NOVA2: variants seen among roughly 807,000 people sequenced by gnomAD.
The protein encoded by NOVA2 is NOVA alternative splicing regulator 2.
Under a neutral mutation model 22.5 loss-of-function variants are expected in NOVA2, and 9 were observed. The ratio of observed to expected loss-of-function variants is 0.40; its 90% CI spans 0.24 to 0.70. NOVA2 has a LOEUF of 0.70. Ranked by LOEUF, NOVA2 falls within the 30% of genes least tolerant of loss-of-function variation. The pLI is 0.38. For synonymous variants in NOVA2, 318 were observed against 335.2 expected (o/e 0.95, Z 0.56); for missense variants, 383 against 682.8 (o/e 0.56, Z 4.89).
chr19:45,940,449 A>G lies in NOVA2; in HGVS notation c.893T>C (p.Leu298Pro). 1 of 1,524,670 alleles carries G rather than the reference A, an allele frequency of 6.6e-7. No homozygotes were observed. The highest frequency in any genetic ancestry group is 1.2e-5 in the South Asian group (1 of 83,448). 94.4% of individuals were successfully genotyped at this position (1,524,670 alleles called of 1,614,324 possible). A position where few individuals can be genotyped will look rare whatever the true frequency, so the allele number is the denominator to read the frequency against. The change falls in exon 4 of 4, where the codon CTG (leucine) becomes CCG (proline). Residue 298 changes from leucine to proline, a missense_variant. Leu to Pro is a moderately conservative substitution (Grantham distance 98). This residue lies in a region of NOVA2 where 349 missense variants were observed against 578.1 expected (regional missense o/e 0.60). Transcript: ENST00000263257. ...SYGYNTNSLG[L>P]GLNSAAASGV... ...GGAAGCTGCGGCCGAGTTGAGGCCCAGGCCCAGGGAGTTGGTGTTGTAGCC... is the reference window on the plus strand; with the variant it reads ...GGAAGCTGCGGCCGAGTTGAGGCCCGGGCCCAGGGAGTTGGTGTTGTAGCC...
intron 2 of NOVA2, among the ~76,000 whole-genome samples, chr19:45,955,951 G>GGT (rs1302038077): frequency 6.6e-6 from 1 of 152,158 alleles, no homozygotes; most frequent in Non-Finnish European, 1.5e-5. Flanking sequence ...GGATACCTGG[G>GGT]GTGTGTGTCA....
chr19:45,940,493 A>G lies in NOVA2; in HGVS notation c.849T>C (p.Leu283=). ...TGTAGCCGTAACTTGCCAGCGTGTT[A>G]AGCGCCGTGCTGATGGCCAGCAGGT... is the stretch of plus-strand genomic sequence containing the variant. ...GTDLLAISTA[L]NTLASYGYNT... The change falls in exon 4 of 4, where the codon CTT becomes CTC. Residue 283 remains leucine, a synonymous_variant. Transcript: ENST00000263257. 1.3e-6 allele frequency: 2 copies of G among 1,528,648 alleles called. No individual in the cohort carries two copies. The highest frequency in any genetic ancestry group is 1.8e-6 in the Non-Finnish European group (2 of 1,138,290). The allele number at this position is 1,528,648 out of a possible 1,614,324, so 94.7% of individuals were successfully genotyped here.
At position 45,971,865 on chromosome 19, in the gene NOVA2, C is replaced by T. The variant is rs1232920920; in HGVS notation, c.85+1402G>A. On this transcript the variant is annotated intron_variant, in intron 1 of 3. Transcript: ENST00000263257. Reference sequence around the variant, plus strand: ...CCCCACCTCTTCCCTGAGCCCCCCACGGCAGGGCATGCACCTAGAGTTCCC... The same window carrying T: ...CCCCACCTCTTCCCTGAGCCCCCCATGGCAGGGCATGCACCTAGAGTTCCC... Among the ~76,000 whole-genome samples, 3 of 152,002 alleles carry T rather than the reference C, an allele frequency of 2.0e-5. No individual in the cohort carries two copies. In the East Asian group the frequency reaches 5.8e-4, roughly 29 times the overall value.
At position 45,973,353 on chromosome 19, in the gene NOVA2, G is replaced by A; in HGVS notation, c.-2C>T. The A allele has an allele frequency of 9.4e-7, 1 of 1,067,642 alleles. No individual in the cohort carries two copies. Among genetic ancestry groups the A allele is most frequent in the Non-Finnish European group, 1.2e-6 (1 of 835,732 alleles). The allele number at this position is 1,067,642 out of a possible 1,614,324, so 66.1% of individuals were successfully genotyped here. A position where few individuals can be genotyped will look rare whatever the true frequency, so the allele number is the denominator to read the frequency against. On this transcript the variant is annotated 5_prime_UTR_variant, in exon 1 of 4. Coordinates refer to ENST00000263257, the MANE Select transcript of NOVA2 (RefSeq NM_002516.4). ...GGAATCCGGGGCCTCGGGCTCCATGGGGGGGGCCTGGGGCGGCGGCTGCTG... is the reference window on the plus strand; with the variant it reads ...GGAATCCGGGGCCTCGGGCTCCATGAGGGGGGCCTGGGGCGGCGGCTGCTG...
rs1285117648 is a variant in NOVA2 at position 45,952,022 on chromosome 19, TTTAG to T, written c.396+1754_396+1757del. On this transcript the variant is annotated intron_variant, in intron 3 of 3. Coordinates refer to ENST00000263257, the MANE Select transcript of NOVA2 (RefSeq NM_002516.4). Reference sequence around the variant, plus strand: ...AGGCTTTTGTTACCTTTTTCAATACTTTAGTTATTTAATTTATAATCCCTGGTTT... The same window carrying T: ...AGGCTTTTGTTACCTTTTTCAATACTTTATTTAATTTATAATCCCTGGTTT... 4.6e-5 allele frequency among the ~76,000 whole-genome samples: 7 copies of T among 152,296 alleles called. No homozygotes were observed. In the East Asian group the frequency reaches 1.3e-3, roughly 29 times the overall value.
chr19:45,964,561 A>ATCTCTCTCTCTCTCTCTC (rs141748431), intron 1 of NOVA2, among the ~76,000 whole-genome samples: 5,397 of 136,988 alleles, frequency 0.039, 183 homozygotes, highest in East Asian at 0.15. Context: ...ACACTCTCTG[A>ATCTCTCTCTCTCTCTCTC]TCTCTCTCTC....
intron 1 of NOVA2, among the ~76,000 whole-genome samples, chr19:45,965,506 A>T (rs1305493533): frequency 6.6e-6 from 1 of 152,194 alleles, no homozygotes; most frequent in Non-Finnish European, 1.5e-5. Context: ...AGGCGGGTGG[A>T]TCACTTAAGG....
At chr19:45,964,348 T>TTGTGTG (rs57818599) in intron 1 of NOVA2, among the ~76,000 whole-genome samples, 266 of 119,558 alleles carry the variant, frequency 2.2e-3, no homozygotes, top group African/African-American at 5.8e-3. Flanking sequence ...CCCGGCTAAT[T>TTGTGTG]TGTGTGTGTG....
At chr19:45,964,585 T>TC (rs1398689110) in intron 1 of NOVA2, among the ~76,000 whole-genome samples, 1 of 17,468 alleles carries the variant, frequency 5.7e-5, no homozygotes, top group Non-Finnish European at 1.2e-4. Flanking sequence ...CTCTCTCTCT[T>TC]TCTCTTTCTC....
intron 3 of NOVA2, among the ~76,000 whole-genome samples, chr19:45,941,501 C>T (rs749785308): frequency 7.2e-5 from 11 of 151,872 alleles, no homozygotes; most frequent in Non-Finnish European, 1.5e-4. Context: ...GAGACTGAGA[C>T]GCCCCAGGTC....
Position 45,940,888 on chromosome 19 carries a change from T to C in NOVA2, c.454A>G (p.Thr152Ala). The stretch of plus-strand genomic sequence containing the variant: ...GACTGTTCCATCACGGCTTTCACCG[T>C]GGCGCCTCCCTTGCCGATGATCAGG... The part of the protein sequence containing the change: ...AGLIIGKGGA[T>A]VKAVMEQSGA... The change falls in exon 4 of 4, where the codon ACG becomes GCG. Residue 152 changes from threonine to alanine, a missense_variant. By Grantham distance (58) the Thr-to-Ala change is moderately conservative (BLOSUM62 0). This residue lies in a region of NOVA2 where 349 missense variants were observed against 578.1 expected (regional missense o/e 0.60). Coordinates refer to ENST00000263257, the MANE Select transcript of NOVA2 (RefSeq NM_002516.4). The C allele has an allele frequency of 6.2e-7, 1 of 1,605,798 alleles. No individual in the cohort carries two copies. Among genetic ancestry groups the C allele is most frequent in the Non-Finnish European group, 8.5e-7 (1 of 1,179,948 alleles).
chr19:45,949,933 G>T (rs918286827), intron 3 of NOVA2, among the ~76,000 whole-genome samples: 31 of 151,970 alleles, frequency 2.0e-4, no homozygotes, highest in Non-Finnish European at 4.3e-4. Context: ...TAGAGATGGG[G>T]TTTCACCATG....
At position 45,938,491 on chromosome 19, in the gene NOVA2, G is replaced by A. The variant is rs1967689815; in HGVS notation, c.*1372C>T. 1 of 152,552 alleles carries A rather than the reference G, an allele frequency of 6.6e-6. No homozygotes were observed. Among genetic ancestry groups the A allele is most frequent in the Admixed American group, 6.5e-5 (1 of 15,290 alleles). 9.4% of individuals were successfully genotyped at this position (152,552 alleles called of 1,614,324 possible). ...TACACCTGGCCATACTGGCCTGACAGAGCCACCACACACTTGGCTCACCCG... is the reference window on the plus strand; with the variant it reads ...TACACCTGGCCATACTGGCCTGACAAAGCCACCACACACTTGGCTCACCCG... On this transcript the variant is annotated 3_prime_UTR_variant, in exon 4 of 4. Coordinates refer to ENST00000263257, the MANE Select transcript of NOVA2 (RefSeq NM_002516.4).
In NOVA2 at chr19:45,971,639, G is replaced by A. The variant is rs2146431010; in HGVS notation, c.85+1628C>T. Among the ~76,000 whole-genome samples the A allele has an allele frequency of 2.6e-5, 4 of 152,138 alleles. No homozygotes were observed. The Middle Eastern group carries it at 0.01, about 388-fold the overall frequency. On this transcript the variant is annotated intron_variant, in intron 1 of 3. Transcript: ENST00000263257. ...TGTATTCATCTGTAGGGAGGAGGTA[G>A]GAGGCCCCCACCCCACCCACTGCCA...
At position 45,938,731 on chromosome 19, in the gene NOVA2, T is replaced by G. The variant is rs1384839710; in HGVS notation, c.*1132A>C. 4 of 152,106 alleles carry G rather than the reference T, an allele frequency of 2.6e-5. No homozygotes were observed. Among genetic ancestry groups the G allele is most frequent in the Non-Finnish European group, 5.9e-5 (4 of 68,012 alleles). The allele number at this position is 152,106 out of a possible 1,614,324, so 9.4% of individuals were successfully genotyped here. On this transcript the variant is annotated 3_prime_UTR_variant, in exon 4 of 4. Transcript: ENST00000263257. ...ATTGGATCCAAGTCCCGTGCCTTATTCTCTTCCTAGGAAGACCCCCAGGCC... is the reference window on the plus strand; with the variant it reads ...ATTGGATCCAAGTCCCGTGCCTTATGCTCTTCCTAGGAAGACCCCCAGGCC...
chr19:45,946,731 G>A (rs1397323221), intron 3 of NOVA2, among the ~76,000 whole-genome samples: 1 of 152,090 alleles, frequency 6.6e-6, no homozygotes, highest in African/African-American at 2.4e-5. Flanking sequence ...AATTAGCCAG[G>A]CGTGGTGGCA....
Position 45,937,992 on chromosome 19 carries a change from T to C in NOVA2, c.*1871A>G, listed in dbSNP as rs953623918. The C allele has an allele frequency of 1.3e-5, 2 of 152,070 alleles. No homozygotes were observed. Among genetic ancestry groups the C allele is most frequent in the Non-Finnish European group, 2.9e-5 (2 of 68,026 alleles). 9.4% of individuals were successfully genotyped at this position (152,070 alleles called of 1,614,324 possible). Reference sequence around the variant, plus strand: ...CCAAAGTCATAGAGAAGAAAAGGGTTTGGAAGACCTAGGAGGCGGACAAAT... The same window carrying C: ...CCAAAGTCATAGAGAAGAAAAGGGTCTGGAAGACCTAGGAGGCGGACAAAT... On this transcript the variant is annotated 3_prime_UTR_variant, in exon 4 of 4. Coordinates refer to ENST00000263257, the MANE Select transcript of NOVA2 (RefSeq NM_002516.4).
Position 45,973,681 on chromosome 19 carries a change from G to A in NOVA2, c.-330C>T, listed in dbSNP as rs956904099. 23 of 145,206 alleles carry A rather than the reference G, an allele frequency of 1.6e-4. No homozygotes were observed. The highest frequency in any genetic ancestry group is 1.2e-3 in the Admixed American group (18 of 14,756). 9.0% of individuals were successfully genotyped at this position (145,206 alleles called of 1,614,324 possible). A position where few individuals can be genotyped will look rare whatever the true frequency, so the allele number is the denominator to read the frequency against. On this transcript the variant is annotated 5_prime_UTR_variant, in exon 1 of 4. Transcript: ENST00000263257. ...GGTAGGGGGGAGCCGGTTCTCGGGG[G>A]GCTGACAGAGCCTGGAGAGCGGCCG...
In NOVA2 at chr19:45,958,463, CGT is replaced by C. The variant is rs200749184; in HGVS notation, c.229+2545_229+2546del. Among the ~76,000 whole-genome samples, 834 of 147,594 alleles carry C rather than the reference CGT, an allele frequency of 5.7e-3. 3 individuals are homozygous for C. The highest frequency in any genetic ancestry group is 0.016 in the African/African-American group (647 of 39,726). ...GCACGTGTGACAATGTGTGTGTAAG[CGT>C]GTGTGTGAGTGGGATGTGTGTGAAT... On this transcript the variant is annotated intron_variant, in intron 2 of 3. Transcript: ENST00000263257.
Sources: gnomAD v4.1 joint callset for allele counts (sites outside exome capture counted in the v4.1 genomes callset) on GRCh38, gnomAD v4.1.1 for gene constraint, gnomAD v4.1.1 regional missense constraint, MANE v1.5 for transcripts, NCBI Gene and HGNC (gene_info 2026-07-23, HGNC 2026-07-21) for gene names.